The following NR2F1-AS1 variants were observed in gnomAD, a reference collection of about 807,000 sequenced individuals.
NR2F1-AS1 encodes the protein NR2F1 regulatory antisense RNA 1.
At chr5:93,530,600 A>G (rs1751716237) in intron 4 of NR2F1-AS1, among the ~76,000 whole-genome samples, 1 of 152,210 alleles carries the variant, frequency 6.6e-6, no homozygotes, top group African/African-American at 2.4e-5. Flanking sequence ...CAGATAAACA[A>G]GGGAATACAG....
chr5:93,467,568 T>G (rs559136586), intron 4 of NR2F1-AS1, among the ~76,000 whole-genome samples: 1 of 152,362 alleles, frequency 6.6e-6, no homozygotes, highest in South Asian at 2.1e-4. Context: ...ATCTGTTTCG[T>G]GTTCTACTAT....
rs151113209 is a variant in NR2F1-AS1 at position 93,545,985 on chromosome 5, G to A, written n.638+7776C>T. 4.2e-3 allele frequency among the ~76,000 whole-genome samples: 646 copies of A among 152,296 alleles called. 5 individuals carry two copies. The highest frequency in any genetic ancestry group is 0.015 in the African/African-American group (611 of 41,564). On this transcript the variant is annotated intron_variant and non_coding_transcript_variant, in intron 4 of 5. Transcript: ENST00000660523. ...AAGAAGTTTTATATAGAGACAACCT[G>A]AGTGGGATAGGAAAAAATCATGGTC...
At chr5:93,532,435 A>C (rs1327832758) in intron 4 of NR2F1-AS1, among the ~76,000 whole-genome samples, 1 of 152,150 alleles carries the variant, frequency 6.6e-6, no homozygotes, top group Non-Finnish European at 1.5e-5. Context: ...GGATTGTGCA[A>C]TAGAATCCTG....
At chr5:93,553,640 G>C (rs927844339) in intron 4 of NR2F1-AS1, 1 of 152,186 alleles carries the variant, frequency 6.6e-6, no homozygotes, top group African/African-American at 2.4e-5. Flanking sequence ...GAAGCATCAT[G>C]GTTCAACATT....
intron 4 of NR2F1-AS1, among the ~76,000 whole-genome samples, chr5:93,457,757 T>A (rs1424433814): frequency 6.6e-6 from 1 of 152,088 alleles, no homozygotes; most frequent in Non-Finnish European, 1.5e-5. Context: ...TTTTTTTTTT[T>A]AGCTAACTCT....
chr5:93,473,992 TAAAC>T (rs1375123903), intron 4 of NR2F1-AS1, among the ~76,000 whole-genome samples: 1 of 152,058 alleles, frequency 6.6e-6, no homozygotes, highest in Non-Finnish European at 1.5e-5. Flanking sequence ...TTTAGATTAA[TAAAC>T]AGAGCTAAAA....
At chr5:93,530,480 G>C (rs181254286) in intron 4 of NR2F1-AS1, among the ~76,000 whole-genome samples, 6 of 152,252 alleles carry the variant, frequency 3.9e-5, no homozygotes, top group African/African-American at 1.4e-4. Flanking sequence ...TTAGGCCCTA[G>C]AGAGTTCCCA....
At chr5:93,578,399 T>G (rs1752944093) in intron 1 of NR2F1-AS1, among the ~76,000 whole-genome samples, 1 of 151,926 alleles carries the variant, frequency 6.6e-6, no homozygotes, top group African/African-American at 2.4e-5. Flanking sequence ...TCATCGCCTT[T>G]TTGGGGAACT....
At chr5:93,456,476 T>C (rs1380004838) in intron 4 of NR2F1-AS1, among the ~76,000 whole-genome samples, 1 of 152,194 alleles carries the variant, frequency 6.6e-6, no homozygotes, top group East Asian at 1.9e-4. Context: ...GTACTATGTT[T>C]ATGGATCAGA....
chr5:93,428,641 T>C (rs779646521), intron 4 of NR2F1-AS1, among the ~76,000 whole-genome samples: 3 of 152,194 alleles, frequency 2.0e-5, no homozygotes, highest in Non-Finnish European at 4.4e-5. Context: ...TGTACCCAGG[T>C]AGACTTTTGT....
intron 1 of NR2F1-AS1, among the ~76,000 whole-genome samples, chr5:93,574,295 G>T (rs1752845125): frequency 6.6e-6 from 1 of 152,216 alleles, no homozygotes; most frequent in South Asian, 2.1e-4. Flanking sequence ...TAGTTGTCCA[G>T]CGGCTGAAAG....
At chr5:93,445,105 T>A (rs1478224858) in intron 4 of NR2F1-AS1, among the ~76,000 whole-genome samples, 1 of 152,010 alleles carries the variant, frequency 6.6e-6, no homozygotes, top group Non-Finnish European at 1.5e-5. Flanking sequence ...GCAGGAAAGA[T>A]CTAAAATTGA....
chr5:93,557,374 G>A (rs1336987121), intron 2 of NR2F1-AS1, among the ~76,000 whole-genome samples: 1 of 152,146 alleles, frequency 6.6e-6, no homozygotes, highest in Non-Finnish European at 1.5e-5. Flanking sequence ...TCACTCACTA[G>A]TTACAGGCAT....
intron 4 of NR2F1-AS1, among the ~76,000 whole-genome samples, chr5:93,465,750 AAGG>A (rs905353101): frequency 1.2e-4 from 19 of 152,346 alleles, no homozygotes; most frequent in Middle Eastern, 3.4e-3. Flanking sequence ...AGCCATAAAA[AAGG>A]ATGAGTTCAT....
intron 4 of NR2F1-AS1, among the ~76,000 whole-genome samples, chr5:93,420,313 C>T (rs184032688): frequency 6.6e-5 from 10 of 152,152 alleles, no homozygotes; most frequent in Admixed American, 2.0e-4. Flanking sequence ...CCAGATAGAA[C>T]GAGCATGGCA....
At chr5:93,416,304 G>A (rs1748966439) in intron 4 of NR2F1-AS1, among the ~76,000 whole-genome samples, 1 of 152,146 alleles carries the variant, frequency 6.6e-6, no homozygotes, top group African/African-American at 2.4e-5. Flanking sequence ...AATTCATTAT[G>A]CAGTAATTTA....
At chr5:93,575,398 C>A (rs768524853) in intron 1 of NR2F1-AS1, among the ~76,000 whole-genome samples, 2 of 152,156 alleles carry the variant, frequency 1.3e-5, no homozygotes, top group Admixed American at 6.5e-5. Context: ...TAAGATAATT[C>A]CTATTTCAAA....
At chr5:93,448,518 G>A (rs751133057) in intron 4 of NR2F1-AS1, among the ~76,000 whole-genome samples, 6 of 152,188 alleles carry the variant, frequency 3.9e-5, no homozygotes, top group Non-Finnish European at 8.8e-5. Context: ...TAGGGATGGG[G>A]ATGCAAAACA....
At chr5:93,434,054 C>A (rs1022289431) in intron 4 of NR2F1-AS1, among the ~76,000 whole-genome samples, 1 of 151,860 alleles carries the variant, frequency 6.6e-6, no homozygotes, top group African/African-American at 2.4e-5. Flanking sequence ...CAATATTTAC[C>A]AATAATATCT....
Sources: gnomAD v4.1 joint callset for allele counts (sites outside exome capture counted in the v4.1 genomes callset) on GRCh38, gnomAD v4.1.1 for gene constraint, MANE v1.5 for transcripts, NCBI Gene and HGNC (gene_info 2026-07-23, HGNC 2026-07-21) for gene names.